EML4: variants seen among roughly 807,000 people sequenced by gnomAD.
EML4 encodes the protein EMAP like 4.
EML4 carries 72 observed loss-of-function variants against 129.0 expected under a neutral mutation model. The observed-to-expected ratio is 0.56, with a 90% CI of 0.46 to 0.68. The LOEUF is 0.68. Among genes scored for constraint, EML4 ranks in the 30% least tolerant of loss-of-function variants. The probability of loss-of-function intolerance (pLI) is 0.00; values close to 1 mark genes in which losing one functional copy is unlikely to be tolerated. For missense variants in EML4, 1,363 were observed against 1,190.6 expected, an observed-to-expected ratio of 1.14 and a Z score of -2.13; for synonymous variants, 532 against 405.0, an observed-to-expected ratio of 1.31 and a Z score of -3.77.
chr2:42,300,872 A>C (rs1190106359), intron 13 of EML4, among the ~76,000 whole-genome samples: 1 of 152,158 alleles, frequency 6.6e-6, no homozygotes, highest in Non-Finnish European at 1.5e-5. Context: ...TTGAGCTCTC[A>C]TATCAGAAGA....
At chr2:42,216,361 G>C (rs896045728) in intron 1 of EML4, among the ~76,000 whole-genome samples, 8 of 142,870 alleles carry the variant, frequency 5.6e-5, no homozygotes, top group African/African-American at 2.1e-4. Flanking sequence ...TCCTGCCTCA[G>C]CCTCCTGAGT....
Position 42,298,016 on chromosome 2 carries a change from T to C in EML4, c.1489+2500T>C, listed in dbSNP as rs549391482. Among the ~76,000 whole-genome samples the C allele has an allele frequency of 2.0e-5, 3 of 152,346 alleles. No homozygotes were observed. The South Asian group carries it at 6.2e-4, about 32-fold the overall frequency. ...ATTTGTTATTTATTTCCTACACATA[T>C]GAAATAGATTGAAATTGTTCTTATG... On this transcript the variant is annotated intron_variant, in intron 13 of 22. Transcript: ENST00000318522.
At chr2:42,303,482 C>A in intron 16 of EML4, 36 bp downstream of exon 16, 1 of 1,602,698 alleles carries the variant, frequency 6.2e-7, no homozygotes, top group Non-Finnish European at 8.5e-7. Flanking sequence ...AACCTCCCCA[C>A]AGAAACTCCT....
At chr2:42,185,596 G>A (rs971962840) in intron 1 of EML4, among the ~76,000 whole-genome samples, 2 of 152,152 alleles carry the variant, frequency 1.3e-5, no homozygotes, top group Non-Finnish European at 2.9e-5. Flanking sequence ...GGTCATTGGG[G>A]AACTGCTAAG....
At chr2:42,291,398 CTTTTTTTTTTTT>C (rs5830720) in intron 11 of EML4, among the ~76,000 whole-genome samples, 1 of 123,138 alleles carries the variant, frequency 8.1e-6, no homozygotes. Flanking sequence ...ATCAAGACAC[CTTTTTTTTTTTT>C]TTTTTTTTTT....
chr2:42,240,105 T>C (rs1302410336), intron 1 of EML4, among the ~76,000 whole-genome samples: 1 of 152,184 alleles, frequency 6.6e-6, no homozygotes, highest in African/African-American at 2.4e-5. Context: ...ATAGTGTCTG[T>C]TCTTGTTTTA....
intron 1 of EML4, among the ~76,000 whole-genome samples, chr2:42,245,094 C>CTTTCTTTTTTTTTTTTTTTTT (rs1336279430): frequency 3.0e-5 from 2 of 66,562 alleles, no homozygotes; most frequent in South Asian, 9.0e-4. Flanking sequence ...AATTTTCTTT[C>CTTTCTTTTTTTTTTTTTTTTT]TTTTTTTTTT....
chr2:42,298,917 C>T (rs73933522), intron 13 of EML4, among the ~76,000 whole-genome samples: 16,415 of 152,060 alleles, frequency 0.11, 948 homozygotes, highest in Middle Eastern at 0.22. Flanking sequence ...GGGAAATAAG[C>T]CTAGAATTTG....
chr2:42,284,125 TA>T (rs1667163818), intron 8 of EML4, among the ~76,000 whole-genome samples: 1 of 152,220 alleles, frequency 6.6e-6, no homozygotes, highest in Non-Finnish European at 1.5e-5. Flanking sequence ...AAGAACTAAT[TA>T]AAAGATTGAA....
intron 6 of EML4, among the ~76,000 whole-genome samples, chr2:42,273,442 T>C (rs1050581430): frequency 6.6e-6 from 1 of 152,200 alleles, no homozygotes; most frequent in Non-Finnish European, 1.5e-5. Flanking sequence ...GAAATCTGAT[T>C]AAAGGAGTTT....
At chr2:42,202,726 C>A (rs888044004) in intron 1 of EML4, among the ~76,000 whole-genome samples, 1 of 152,132 alleles carries the variant, frequency 6.6e-6, no homozygotes, top group African/African-American at 2.4e-5. Context: ...TTGTGCCCAC[C>A]CCGATTGAGG....
At chr2:42,188,079 G>A (rs1038723878) in intron 1 of EML4, among the ~76,000 whole-genome samples, 4 of 152,112 alleles carry the variant, frequency 2.6e-5, no homozygotes, top group Admixed American at 2.6e-4. Flanking sequence ...TGAACTAATC[G>A]GAAAGATTAG....
chr2:42,187,189 A>G (rs1671306902), intron 1 of EML4, among the ~76,000 whole-genome samples: 1 of 151,406 alleles, frequency 6.6e-6, no homozygotes, highest in Non-Finnish European at 1.5e-5. Flanking sequence ...GACTATAGGC[A>G]CACACCACCG....
intron 2 of EML4, among the ~76,000 whole-genome samples, chr2:42,253,989 A>G (rs1174052290): frequency 6.6e-6 from 1 of 152,260 alleles, no homozygotes; most frequent in Non-Finnish European, 1.5e-5. Context: ...CTATAGAATA[A>G]GAGAAAATAT....
chr2:42,314,827 C>T (rs144507415), intron 17 of EML4, among the ~76,000 whole-genome samples: 39 of 152,308 alleles, frequency 2.6e-4, no homozygotes, highest in African/African-American at 5.8e-4. Context: ...GGTCTTACCA[C>T]GCTCTTCTGA....
At chr2:42,299,721 C>T (rs1487537483) in intron 13 of EML4, among the ~76,000 whole-genome samples, 6 of 152,114 alleles carry the variant, frequency 3.9e-5, no homozygotes, top group Non-Finnish European at 8.8e-5. Context: ...TGGAGTTTCA[C>T]TCTTGTTGCC....
intron 1 of EML4, among the ~76,000 whole-genome samples, chr2:42,199,530 A>G (rs1672095148): frequency 6.6e-6 from 1 of 152,216 alleles, no homozygotes; most frequent in South Asian, 2.1e-4. Flanking sequence ...GAAAGAAGAC[A>G]GGACAATGCT....
At chr2:42,282,786 T>G (rs1246621096) in intron 7 of EML4, 37 bp from the exon 8 acceptor site, 1 of 1,583,172 alleles carries the variant, frequency 6.3e-7, no homozygotes, top group Non-Finnish European at 8.6e-7. Context: ...ACTTGAAAAC[T>G]GTGTTTATTT....
At chr2:42,296,915 A>C (rs745926304) in intron 13 of EML4, among the ~76,000 whole-genome samples, 8 of 152,242 alleles carry the variant, frequency 5.3e-5, no homozygotes, top group Non-Finnish European at 1.2e-4. Context: ...AAATTGAACC[A>C]ACATAAGTTA....
Sources: allele counts gnomAD v4.1 joint callset (sites outside exome capture counted in the v4.1 genomes callset), GRCh38; gene constraint gnomAD v4.1.1; transcripts MANE v1.5; gene names NCBI Gene and HGNC (gene_info 2026-07-23, HGNC 2026-07-21).